The following FKBP11 variants were observed in gnomAD, a reference collection of about 807,000 sequenced individuals.
The protein encoded by FKBP11 is peptidyl-prolyl cis-trans isomerase FKBP11.
FKBP11 carries 21 observed loss-of-function variants against 24.7 expected under a neutral mutation model. The observed-to-expected ratio is 0.85, with a 90% confidence interval of 0.60 to 1.23. The LOEUF (loss-of-function observed/expected upper bound fraction) is 1.23. FKBP11 is among the 50% of genes most tolerant of loss of function. FKBP11 has a pLI of 0.00. For synonymous variants in FKBP11, 106 were observed against 100.6 expected, an observed-to-expected ratio of 1.05 and a Z score of -0.32; for missense variants, 245 against 248.7, an observed-to-expected ratio of 0.99 and a Z score of 0.10.
At chr12:48,927,489 G>A (rs1407516333), upstream of FKBP11, among the ~76,000 whole-genome samples, 2 of 152,180 alleles carry the variant, frequency 1.3e-5, no homozygotes, top group Admixed American at 1.3e-4. Flanking sequence ...GCATTTCACT[G>A]TTTGCGAATT....
the FKBP11 span, among the ~76,000 whole-genome samples, chr12:48,935,197 T>C: frequency 2.0e-5 from 3 of 151,984 alleles, no homozygotes; most frequent in African/African-American, 7.3e-5. Flanking sequence ...ACATGTCTGG[T>C]TGGAGTAGTT....
rs779449930 is a variant in FKBP11, at chr12:48,925,208, C to T, written c.129+92G>A. The T allele has an allele frequency of 2.5e-6, 4 of 1,584,814 alleles. No individual in the cohort carries two copies. The Admixed American group carries it at 5.2e-5, about 21-fold the overall frequency. On this transcript the variant is annotated intron_variant, in intron 1 of 5. Transcript: ENST00000550765. ...CCCCAACTCAGTTCCCGCACTTCCT[C>T]TCCTCCCGGCTCCCAGGTTCGCTGA...
the FKBP11 span, among the ~76,000 whole-genome samples, chr12:48,935,037 AAAG>A: frequency 4.0e-5 from 6 of 150,042 alleles, no homozygotes; most frequent in African/African-American, 1.2e-4. Flanking sequence ...AAAAAAAAAA[AAAG>A]AAGAAGAAGA....
At chr12:48,933,444 G>A in the FKBP11 span, among the ~76,000 whole-genome samples, 1 of 152,168 alleles carries the variant, frequency 6.6e-6, no homozygotes. Flanking sequence ...GCTCATGCCT[G>A]TAATCCCAGT....
chr12:48,930,720 T>A (rs1399626151), upstream of FKBP11, among the ~76,000 whole-genome samples: 4 of 151,514 alleles, frequency 2.6e-5, no homozygotes, highest in Non-Finnish European at 5.9e-5. Flanking sequence ...TTTAAACAAG[T>A]GAGAAAGGAG....
the FKBP11 span, chr12:48,931,590 C>T: frequency 1.1e-6 from 1 of 920,028 alleles, no homozygotes; most frequent in African/African-American, 1.7e-5. Context: ...GAAAAGCCTC[C>T]ACACTCAAAG....
At chr12:48,933,655 C>T in the FKBP11 span, among the ~76,000 whole-genome samples, 12 of 150,694 alleles carry the variant, frequency 8.0e-5, no homozygotes, top group South Asian at 1.5e-3. Flanking sequence ...GAGCCGAGAT[C>T]ACGCCATTGC....
At position 48,923,764 on chromosome 12, in the gene FKBP11, G is replaced by A; in HGVS notation, c.388+18C>T. On this transcript the variant is annotated intron_variant, in intron 5 of 5. Transcript: ENST00000550765. ...CTGGGTATTTTGATGGCCTGAGAGA[G>A]AGTCCTAGTCAGATTACCTGGGACA... The A allele has an allele frequency of 6.2e-7, 1 of 1,611,190 alleles. No individual in the cohort carries two copies. Among genetic ancestry groups the A allele is most frequent in the Non-Finnish European group, 8.5e-7 (1 of 1,177,368 alleles).
chr12:48,924,913 C>T, intron 2 of FKBP11, 133 bp downstream of exon 2: 3 of 1,441,848 alleles, frequency 2.1e-6, no homozygotes, highest in Non-Finnish European at 2.7e-6. Flanking sequence ...CTCCCCTCGC[C>T]ACGTGCTCGA....
chr12:48,925,600 G>A, upstream of FKBP11: 4 of 815,514 alleles, frequency 4.9e-6, no homozygotes, highest in Non-Finnish European at 7.5e-6. Flanking sequence ...CTCCGAAAGG[G>A]AGGAGGCCGA....
chr12:48,925,024 C>T, intron 2 of FKBP11, 22 bp downstream of exon 2: 1 of 1,595,756 alleles, frequency 6.3e-7, no homozygotes, highest in Non-Finnish European at 8.6e-7. Context: ...CAGGCCCCGC[C>T]CCGGCCCCCC....
chr12:48,925,049 G>A lies in FKBP11; in HGVS notation c.192C>T (p.Tyr64=), dbSNP rs200354454. ...CCCGGCCCCCCAGACCCCTCACCGT[G>A]TAGTGTATGTGAAGCGTGTCTCCAA... ...AAFGDTLHIH[Y]TGSLVDGRII... The change falls in exon 2 of 6, where the codon TAC becomes TAT. Residue 64 remains tyrosine, a synonymous_variant. Coordinates refer to ENST00000550765, the MANE Select transcript of FKBP11 (RefSeq NM_016594.3). The A allele has an allele frequency of 4.3e-6, 7 of 1,613,286 alleles. No homozygotes were observed. The South Asian group carries it at 5.5e-5, about 13-fold the overall frequency.
chr12:48,930,493 T>C (rs1191211802), upstream of FKBP11, among the ~76,000 whole-genome samples: 1 of 152,238 alleles, frequency 6.6e-6, no homozygotes, highest in East Asian at 1.9e-4. Flanking sequence ...CAGATGTTAC[T>C]TCTCAGGTTA....
chr12:48,923,322 G>A, intron 5 of FKBP11: 1 of 1,421,972 alleles, frequency 7.0e-7, no homozygotes, highest in Non-Finnish European at 9.2e-7. Flanking sequence ...AAGTTATGGG[G>A]CAGACTTGGC....
the FKBP11 span, among the ~76,000 whole-genome samples, chr12:48,934,553 T>G: frequency 6.6e-6 from 1 of 152,196 alleles, no homozygotes; most frequent in Non-Finnish European, 1.5e-5. Flanking sequence ...ACTTCCTTCC[T>G]GGCATTCTAA....
rs1228684925 is a variant in FKBP11 at position 48,923,025 on chromosome 12, G to A, written c.388+757C>T. The A allele has an allele frequency of 6.7e-6, 5 of 744,204 alleles. No individual in the cohort carries two copies. In the Admixed American group the frequency reaches 1.2e-4, roughly 17 times the overall value. The allele number at this position is 744,204 out of a possible 1,614,324, so 46.1% of individuals were successfully genotyped here. Reference sequence around the variant, plus strand: ...TAGCCGGTCGTGGTGGCGCATGCCTGTAATCCCAGCTACTCGGGAGGCTGA... The same window carrying A: ...TAGCCGGTCGTGGTGGCGCATGCCTATAATCCCAGCTACTCGGGAGGCTGA... On this transcript the variant is annotated intron_variant, in intron 5 of 5. Coordinates refer to ENST00000550765, the MANE Select transcript of FKBP11 (RefSeq NM_016594.3).
chr12:48,934,967 CGAT>C, the FKBP11 span, among the ~76,000 whole-genome samples: 4 of 142,064 alleles, frequency 2.8e-5, no homozygotes, highest in Admixed American at 1.5e-4. Context: ...TGTGGTGAGC[CGAT>C]ATCGTGCCAT....
At chr12:48,936,871 G>A in the FKBP11 span, 3 of 152,256 alleles carry the variant, frequency 2.0e-5, no homozygotes, top group Admixed American at 2.0e-4. Context: ...TTCAAGGAAG[G>A]AGAGGCAATG....
upstream of FKBP11, among the ~76,000 whole-genome samples, chr12:48,928,822 T>A (rs1298506253): frequency 5.8e-5 from 8 of 138,294 alleles, no homozygotes; most frequent in Non-Finnish European, 1.3e-4. Context: ...TTCTATCTTT[T>A]TTTTTTTTTT....
Sources: allele counts gnomAD v4.1 joint callset (sites outside exome capture counted in the v4.1 genomes callset), GRCh38; gene constraint gnomAD v4.1.1; transcripts MANE v1.5; gene names NCBI Gene and HGNC (gene_info 2026-07-23, HGNC 2026-07-21).